ARHGEF19: variants seen among roughly 807,000 people sequenced by gnomAD.
ARHGEF19 encodes the protein Rho guanine nucleotide exchange factor (GEF) 19.
A neutral mutation model predicts 87.6 loss-of-function variants in ARHGEF19; 92 were observed. The observed-to-expected ratio is 1.05, with a 90% CI of 0.89 to 1.25. The LOEUF is 1.25. ARHGEF19 is among the 50% of genes most tolerant of loss of function. The pLI is 0.00. For synonymous variants in ARHGEF19, 438 were observed against 446.2 expected (o/e 0.98, Z 0.23); for missense variants, 1,054 against 1,051.8 (o/e 1.00, Z -0.03).
In ARHGEF19 at chr1:16,208,821, C is replaced by G. The variant is rs1212207345; in HGVS notation, c.234G>C (p.Trp78Cys). ...GTPAPLQGLLWPLSPGGSDTE... is the reference protein window; with the variant it reads ...GTPAPLQGLLCPLSPGGSDTE... ...TATCTGAGCCTCCTGGGGATAATGGCCATAGCAACCCTTGGAGAGGGGCAG... is the reference window on the plus strand; with the variant it reads ...TATCTGAGCCTCCTGGGGATAATGGGCATAGCAACCCTTGGAGAGGGGCAG... Residue 78 changes from tryptophan (W) to cysteine (C), a missense_variant, in exon 2 of 16, where the codon TGG becomes TGC. Physicochemically the swap from Trp to Cys is radical, Grantham distance 215 (BLOSUM62 -2). Transcript: ENST00000270747. 1 of 1,612,926 alleles carries G rather than the reference C, an allele frequency of 6.2e-7. No homozygotes were observed.
In ARHGEF19 at chr1:16,208,758, A is replaced by G. The variant is rs1198815574; in HGVS notation, c.297T>C (p.Ala99=). The G allele has an allele frequency of 6.2e-7, 1 of 1,612,450 alleles. No homozygotes were observed. Among genetic ancestry groups the G allele is most frequent in the Non-Finnish European group, 8.5e-7 (1 of 1,179,512 alleles). ...CACCAGGACAGTGTGGCCAGCTGCC[A>G]GCCCTGCTGGGCCGCATCCCCCCGC... The part of the protein sequence containing the change: ...ITSGGMRPSR[A]GSWPHCPGAQ... The change falls in exon 2 of 16, where the codon GCT becomes GCC. Residue 99 remains alanine (A), a synonymous_variant. Coordinates refer to ENST00000270747, the MANE Select transcript of ARHGEF19 (RefSeq NM_153213.5).
chr1:16,208,542 C>A, intron 2 of ARHGEF19, 101 bp downstream of exon 2: 1 of 1,423,892 alleles, frequency 7.0e-7, no homozygotes, highest in Non-Finnish European at 9.3e-7. Context: ...CTTGTCCTGA[C>A]TTTTGGGGGA....
In ARHGEF19 at chr1:16,198,543, C is replaced by T; in HGVS notation, c.*44G>A. 5.8e-6 allele frequency: 9 copies of T among 1,560,530 alleles called. No individual in the cohort carries two copies. Among genetic ancestry groups the T allele is most frequent in the Non-Finnish European group, 7.8e-6 (9 of 1,151,898 alleles). On this transcript the variant is annotated 3_prime_UTR_variant, in exon 16 of 16. Coordinates refer to ENST00000270747, the MANE Select transcript of ARHGEF19 (RefSeq NM_153213.5). The surrounding 1 kb of genome is among the most constrained non-coding windows in gnomAD (Gnocchi z 4.1). ...CACTGCAGGCCCCTCCAGGACCATCCAGGAGCCAGGCATGGAGGTGGGGTC... is the reference window on the plus strand; with the variant it reads ...CACTGCAGGCCCCTCCAGGACCATCTAGGAGCCAGGCATGGAGGTGGGGTC...
intron 14 of ARHGEF19, among the ~76,000 whole-genome samples, chr1:16,201,555 G>C (rs2081083709): frequency 6.6e-6 from 1 of 152,172 alleles, no homozygotes; most frequent in Admixed American, 6.5e-5. Flanking sequence ...GAAATGGGAG[G>C]CTACGAAGGC....
In ARHGEF19 at chr1:16,208,940, CG is replaced by C; in HGVS notation, c.114del (p.Ala39ProfsTer2). ...QQESLSFAEL[P>X]ALKPPSPVCL... ...CACACTGGGCTCGGGGGCTTCAGGG[CG>C]GGCAGCTCTGCAAAGGACAGACTCT... On this transcript the variant is annotated frameshift_variant, in exon 2 of 16. Transcript: ENST00000270747. LOFTEE classifies it high-confidence loss of function. The C allele has an allele frequency of 1.3e-6, 2 of 1,579,410 alleles. No homozygotes were observed. Among genetic ancestry groups the C allele is most frequent in the South Asian group, 1.1e-5 (1 of 87,410 alleles).
rs113841356 is a variant in ARHGEF19 at position 16,205,001 on chromosome 1, C to T, written c.1747-82G>A. 9 of 1,561,278 alleles carry T rather than the reference C, an allele frequency of 5.8e-6. No homozygotes were observed. The highest frequency in any genetic ancestry group is 5.4e-5 in the African/African-American group (4 of 73,828). On this transcript the variant is annotated intron_variant, in intron 11 of 15. Coordinates refer to ENST00000270747, the MANE Select transcript of ARHGEF19 (RefSeq NM_153213.5). This position sits in a 1 kb window ranked among gnomAD's most constrained non-coding sequence, Gnocchi z 5.8. ...ATGGTAGATGGGAGGGTGTGGGCAG[C>T]GATTAACTGGCCTGAAGCCCCCAGG...
In ARHGEF19 at chr1:16,205,369, G is replaced by A; in HGVS notation, c.1638C>T (p.Ala546=). 6.2e-7 allele frequency: 1 copy of A among 1,613,676 alleles called. No homozygotes were observed. Among genetic ancestry groups the A allele is most frequent in the Non-Finnish European group, 8.5e-7 (1 of 1,179,700 alleles). Reference sequence around the variant, plus strand: ...AGCTCACCTCCTTGAGCGCATTGAAGGCCTTGGTGGCCATGTCTTCGTCTT... The same window carrying A: ...AGCTCACCTCCTTGAGCGCATTGAAAGCCTTGGTGGCCATGTCTTCGTCTT... ...GSEDEDMATK[A]FNALKELVQE... The change falls in exon 10 of 16, where the codon GCC becomes GCT. Residue 546 remains alanine, a synonymous_variant. Coordinates refer to ENST00000270747, the MANE Select transcript of ARHGEF19 (RefSeq NM_153213.5). The surrounding 1 kb of genome is among the most constrained non-coding windows in gnomAD (Gnocchi z 5.8).
Position 16,208,255 on chromosome 1 carries a change from G to T in ARHGEF19, c.413-30C>A, listed in dbSNP as rs201379329. ...GGTTGGGGGCAAGGAGTGAGAGCAC[G>T]GGCTGGGGTCTCCCCCAACCTCCTC... On this transcript the variant is annotated intron_variant, in intron 2 of 15. Coordinates refer to ENST00000270747, the MANE Select transcript of ARHGEF19 (RefSeq NM_153213.5). The T allele has an allele frequency of 2.0e-4, 318 of 1,599,704 alleles. 4 individuals carry two copies. In the South Asian group the frequency reaches 3.3e-3, roughly 17 times the overall value.
Position 16,206,421 on chromosome 1 carries a change from G to A in ARHGEF19, c.1138-81C>T, listed in dbSNP as rs777047576. Reference sequence around the variant, plus strand: ...CTGGCCTCACATCCCCAGACCCCAGGACGCCACACCTCGCGTCCTCGCCCC... The same window carrying A: ...CTGGCCTCACATCCCCAGACCCCAGAACGCCACACCTCGCGTCCTCGCCCC... On this transcript the variant is annotated intron_variant, in intron 6 of 15. Transcript: ENST00000270747. The surrounding 1 kb of genome is among the most constrained non-coding windows in gnomAD (Gnocchi z 4.6). 43 of 1,482,394 alleles carry A rather than the reference G, an allele frequency of 2.9e-5. No homozygotes were observed. Among genetic ancestry groups the A allele is most frequent in the Non-Finnish European group, 3.6e-5 (39 of 1,085,038 alleles). The allele number at this position is 1,482,394 out of a possible 1,614,324, so 91.8% of individuals were successfully genotyped here. A position where few individuals can be genotyped will look rare whatever the true frequency, so the allele number is the denominator to read the frequency against.
At chr1:16,202,340 G>T in intron 13 of ARHGEF19, 76 bp downstream of exon 13, 1 of 819,268 alleles carries the variant, frequency 1.2e-6, no homozygotes, top group South Asian at 3.5e-5. Context: ...CATGGGGACG[G>T]GGTGCCCATC....
chr1:16,201,090 T>C (rs2081080413), intron 14 of ARHGEF19, among the ~76,000 whole-genome samples: 1 of 151,842 alleles, frequency 6.6e-6, no homozygotes, highest in African/African-American at 2.4e-5. Context: ...GGTGTGGTAG[T>C]GCATATCTGT....
Position 16,208,874 on chromosome 1 carries a change from G to A in ARHGEF19, c.181C>T (p.Pro61Ser), listed in dbSNP as rs1430482663. 2 of 1,603,466 alleles carry A rather than the reference G, an allele frequency of 1.2e-6. No homozygotes were observed. The highest frequency in any genetic ancestry group is 3.6e-5 in the Admixed American group (2 of 55,768). Residue 61 changes from proline (P) to serine (S), a missense_variant, in exon 2 of 16, where the codon CCT becomes TCT. Physicochemically the swap from Pro to Ser is moderately conservative, Grantham distance 74. Transcript: ENST00000270747. ...GTCCCCAGGGACCAGCGGCTGCCAG[G>A]AGCCCGAAGCTCCTCTGGGGCAACA... is the stretch of plus-strand genomic sequence containing the variant. ...FPVAPEELRA[P>S]GSRWSLGTPA...
rs1267809671 is a variant in ARHGEF19, at chr1:16,205,103, A to G, written c.1730T>C (p.Ile577Thr). The change falls in exon 11 of 16, where the codon ATC becomes ACC. Residue 577 changes from isoleucine (I) to threonine (T), a missense_variant. Ile to Thr is a moderately conservative substitution (Grantham distance 89). Coordinates refer to ENST00000270747, the MANE Select transcript of ARHGEF19 (RefSeq NM_153213.5). This position sits in a 1 kb window ranked among gnomAD's most constrained non-coding sequence, Gnocchi z 5.8. Reference protein sequence around the residue: ...TEELIHLSKKIHFEGKIFPLI... With the variant: ...TEELIHLSKKTHFEGKIFPLI... ...GACACACACCTTGCCCTCAAAGTGGATCTTCTTGCTCAGGTGGATGAGTTC... is the reference window on the plus strand; with the variant it reads ...GACACACACCTTGCCCTCAAAGTGGGTCTTCTTGCTCAGGTGGATGAGTTC... The G allele has an allele frequency of 1.1e-5, 17 of 1,604,968 alleles. No individual in the cohort carries two copies. The highest frequency in any genetic ancestry group is 1.4e-5 in the Non-Finnish European group (17 of 1,175,864).
Position 16,205,078 on chromosome 1 carries a change from GAC to G in ARHGEF19, c.1746+7_1746+8del, listed in dbSNP as rs1221832030. On this transcript the variant is annotated splice_region_variant and intron_variant, in intron 11 of 15. Coordinates refer to ENST00000270747, the MANE Select transcript of ARHGEF19 (RefSeq NM_153213.5). The surrounding 1 kb of genome is among the most constrained non-coding windows in gnomAD (Gnocchi z 5.8). ...TGGGGTCCCCATCCCGCTGGCTGCA[GAC>G]ACACACCTTGCCCTCAAAGTGGATC... is the stretch of plus-strand genomic sequence containing the variant. 6.3e-7 allele frequency: 1 copy of G among 1,597,554 alleles called. No homozygotes were observed. Among genetic ancestry groups the G allele is most frequent in the Non-Finnish European group, 8.5e-7 (1 of 1,172,192 alleles).
At position 16,208,222 on chromosome 1, in the gene ARHGEF19, C is replaced by T. The variant is rs1396492178; in HGVS notation, c.416G>A (p.Arg139His). 10 of 1,611,830 alleles carry T rather than the reference C, an allele frequency of 6.2e-6. No homozygotes were observed. The highest frequency in any genetic ancestry group is 4.0e-5 in the African/African-American group (3 of 74,898). Residue 139 changes from arginine (R) to histidine (H), a missense_variant, in exon 3 of 16, where the codon CGC becomes CAC. By Grantham distance (29) the Arg-to-His change is conservative. Coordinates refer to ENST00000270747, the MANE Select transcript of ARHGEF19 (RefSeq NM_153213.5). ...SHGSEKKSAW[R>H]KMRVYQREEV... ...TTCACGCTGGTACACCCGCATCTTG[C>T]GCCCTAGGGTTGGGGGCAAGGAGTG...
In ARHGEF19 at chr1:16,206,346, G is replaced by GGAGGGCACACACGGGGTC. The variant is rs746437248; in HGVS notation, c.1138-24_1138-7dup. ...GTGATCAGCTCAAACTTGGCCTGAGGGAGGGCACACACGGGGTCGAAAGGG... is the reference window on the plus strand; with the variant it reads ...GTGATCAGCTCAAACTTGGCCTGAGGGAGGGCACACACGGGGTCGAGGGCACACACGGGGTCGAAAGGG... On this transcript the variant is annotated splice_polypyrimidine_tract_variant and splice_region_variant and intron_variant, in intron 6 of 15. Transcript: ENST00000270747. The surrounding 1 kb of genome is among the most constrained non-coding windows in gnomAD (Gnocchi z 4.6). 1 of 1,574,928 alleles carries GGAGGGCACACACGGGGTC rather than the reference G, an allele frequency of 6.3e-7. No homozygotes were observed. Among genetic ancestry groups the GGAGGGCACACACGGGGTC allele is most frequent in the South Asian group, 1.2e-5 (1 of 85,664 alleles).
chr1:16,203,616 C>T (rs1399347120), intron 12 of ARHGEF19, among the ~76,000 whole-genome samples: 1 of 152,200 alleles, frequency 6.6e-6, no homozygotes, highest in Admixed American at 6.5e-5. Context: ...TCCCAACTTC[C>T]CTCTGCTGCC....
In ARHGEF19 at chr1:16,204,845, T is replaced by G; in HGVS notation, c.1821A>C (p.Ala607=). ...GELVELAPLP[A]APPAKLKLSS... Reference sequence around the variant, plus strand: ...ACAGCTTCAGCTTGGCAGGGGGTGCTGCAGGCAGTGGTGCCAGCTCTACCA... The same window carrying G: ...ACAGCTTCAGCTTGGCAGGGGGTGCGGCAGGCAGTGGTGCCAGCTCTACCA... The change falls in exon 12 of 16, where the codon GCA becomes GCC. Residue 607 remains alanine, a synonymous_variant. Coordinates refer to ENST00000270747, the MANE Select transcript of ARHGEF19 (RefSeq NM_153213.5). 1 of 1,606,016 alleles carries G rather than the reference T, an allele frequency of 6.2e-7. No individual in the cohort carries two copies. Among genetic ancestry groups the G allele is most frequent in the Non-Finnish European group, 8.5e-7 (1 of 1,176,394 alleles).
chr1:16,207,073 TG>T lies in ARHGEF19; in HGVS notation c.1011del (p.Ser338AlafsTer33). 3 of 1,509,786 alleles carry T rather than the reference TG, an allele frequency of 2.0e-6. No individual in the cohort carries two copies. The highest frequency in any genetic ancestry group is 2.7e-6 in the Non-Finnish European group (3 of 1,131,586). 93.5% of individuals were successfully genotyped at this position (1,509,786 alleles called of 1,614,324 possible). A position where few individuals can be genotyped will look rare whatever the true frequency, so the allele number is the denominator to read the frequency against. On this transcript the variant is annotated frameshift_variant, in exon 6 of 16. Coordinates refer to ENST00000270747, the MANE Select transcript of ARHGEF19 (RefSeq NM_153213.5). LOFTEE classifies it high-confidence loss of function. The surrounding 1 kb of genome is among the most constrained non-coding windows in gnomAD (Gnocchi z 4.0). ...GPGPPRANLS[P>X]SSSFRAQRSA... Reference sequence around the variant, plus strand: ...GAGCGCTGCGCCCGGAAGGAGCTGCTGGGGGAGAGGTTGGCCCGCGGCGGCC... The same window carrying T: ...GAGCGCTGCGCCCGGAAGGAGCTGCTGGGGAGAGGTTGGCCCGCGGCGGCC...
Sources: allele counts gnomAD v4.1 joint callset (sites outside exome capture counted in the v4.1 genomes callset), GRCh38; gene constraint gnomAD v4.1.1; non-coding constraint Gnocchi (gnomAD v3.1); transcripts MANE v1.5; gene names NCBI Gene and HGNC (gene_info 2026-07-23, HGNC 2026-07-21).